KLHL29: variants seen among roughly 807,000 people sequenced by gnomAD.
KLHL29 encodes kelch-like protein 29.
A neutral mutation model predicts 80.4 loss-of-function variants in KLHL29; 21 were observed. The ratio of observed to expected loss-of-function variants is 0.26; its 90% CI spans 0.19 to 0.38. The LOEUF (loss-of-function observed/expected upper bound fraction) is 0.38. Ranked by LOEUF, KLHL29 falls within the 10% of genes least tolerant of loss-of-function variation. The probability of loss-of-function intolerance (pLI) is 1.00; values close to 1 mark genes in which losing one functional copy is unlikely to be tolerated. For synonymous variants in KLHL29, 511 were observed against 526.8 expected, an observed-to-expected ratio of 0.97 and a Z score of 0.41; for missense variants, 867 against 1,223.9, an observed-to-expected ratio of 0.71 and a Z score of 4.35.
At chr2:23,564,957 T>C (rs1216975693) in intron 3 of KLHL29, among the ~76,000 whole-genome samples, 2 of 152,170 alleles carry the variant, frequency 1.3e-5, no homozygotes, top group African/African-American at 2.4e-5. Flanking sequence ...CTTCTACCGC[T>C]TGCTATCTGA....
Position 23,562,133 on chromosome 2 carries a change from C to T in KLHL29, c.-45-19C>T. On this transcript the variant is annotated intron_variant, in intron 2 of 13. Coordinates refer to ENST00000486442, the MANE Select transcript of KLHL29 (RefSeq NM_052920.2). This position sits in a 1 kb window ranked among gnomAD's most constrained non-coding sequence, Gnocchi z 4.5. ...TGCTCCAGTCCTAAATCACCCTTCTCTCCACCCTGTCACCACAGGTCCGGG... is the reference window on the plus strand; with the variant it reads ...TGCTCCAGTCCTAAATCACCCTTCTTTCCACCCTGTCACCACAGGTCCGGG... 1.9e-6 allele frequency: 3 copies of T among 1,540,386 alleles called. No homozygotes were observed. Among genetic ancestry groups the T allele is most frequent in the Non-Finnish European group, 2.6e-6 (3 of 1,142,342 alleles).
intron 3 of KLHL29, among the ~76,000 whole-genome samples, chr2:23,597,309 A>ATATGTGTGTGTG (rs1558402682): frequency 9.9e-6 from 1 of 100,522 alleles, no homozygotes; most frequent in African/African-American, 4.1e-5. Context: ...ATATATATAT[A>ATATGTGTGTGTG]TGTGTGTGTG....
At chr2:23,622,715 G>T (rs183468789) in intron 3 of KLHL29, among the ~76,000 whole-genome samples, 1 of 152,210 alleles carries the variant, frequency 6.6e-6, no homozygotes, top group Non-Finnish European at 1.5e-5. Flanking sequence ...TAGGACGCCC[G>T]CTGAGCATTC....
At chr2:23,509,287 G>A (rs1665701392) in intron 2 of KLHL29, among the ~76,000 whole-genome samples, 1 of 152,198 alleles carries the variant, frequency 6.6e-6, no homozygotes, top group Non-Finnish European at 1.5e-5. Context: ...ATGACACCCA[G>A]CTGAGGCTGG....
intron 1 of KLHL29, among the ~76,000 whole-genome samples, chr2:23,402,590 G>A (rs998291337): frequency 1.3e-5 from 2 of 152,100 alleles, no homozygotes; most frequent in African/African-American, 4.8e-5. Flanking sequence ...GCTGTGAACT[G>A]AACAGCCTGG....
chr2:23,441,014 A>G (rs1663501614), intron 1 of KLHL29, among the ~76,000 whole-genome samples: 1 of 152,214 alleles, frequency 6.6e-6, no homozygotes, highest in Non-Finnish European at 1.5e-5. Flanking sequence ...ATGCTGCTAT[A>G]AAGACACATG....
At chr2:23,557,965 C>G (rs1667341550) in intron 2 of KLHL29, among the ~76,000 whole-genome samples, 2 of 152,178 alleles carry the variant, frequency 1.3e-5, no homozygotes, top group South Asian at 4.1e-4. Flanking sequence ...TAGGGAAACG[C>G]TCTTCCATCA....
In KLHL29 at chr2:23,684,321, G is replaced by GA. The variant is rs906327916; in HGVS notation, c.941-70dup. On this transcript the variant is annotated intron_variant, in intron 5 of 13. Coordinates refer to ENST00000486442, the MANE Select transcript of KLHL29 (RefSeq NM_052920.2). The surrounding 1 kb of genome is among the most constrained non-coding windows in gnomAD (Gnocchi z 4.4). ...CCTATTTCTCTACTTCTTGAAAAAA[G>GA]AAAAAAAACTTTTTTTAATTAAAAA... 4.2e-5 allele frequency: 48 copies of GA among 1,130,106 alleles called. No homozygotes were observed. Among genetic ancestry groups the GA allele is most frequent in the Non-Finnish European group, 4.6e-5 (40 of 861,826 alleles). 70.0% of individuals were successfully genotyped at this position (1,130,106 alleles called of 1,614,324 possible). A position where few individuals can be genotyped will look rare whatever the true frequency, so the allele number is the denominator to read the frequency against.
intron 3 of KLHL29, among the ~76,000 whole-genome samples, chr2:23,614,989 C>T (rs1473117099): frequency 1.3e-5 from 2 of 152,210 alleles, no homozygotes; most frequent in African/African-American, 2.4e-5. Flanking sequence ...CAAGACTCCT[C>T]CAAAGCCCGT....
chr2:23,524,849 T>C (rs1423742968), intron 2 of KLHL29, among the ~76,000 whole-genome samples: 1 of 152,184 alleles, frequency 6.6e-6, no homozygotes, highest in East Asian at 1.9e-4. Flanking sequence ...AGCAAAAGAA[T>C]TGGAAGGCAT....
In KLHL29 at chr2:23,562,604, G is replaced by C; in HGVS notation, c.285+123G>C. 1.0e-6 allele frequency: 1 copy of C among 974,594 alleles called. No individual in the cohort carries two copies. The highest frequency in any genetic ancestry group is 1.5e-6 in the Non-Finnish European group (1 of 680,500). The allele number at this position is 974,594 out of a possible 1,614,324, so 60.4% of individuals were successfully genotyped here. ...TGCTCCACGCCCCGAGTCCTCCAGA[G>C]TCTTGTCCTTCCAGGACCTGGGCCT... On this transcript the variant is annotated intron_variant, in intron 3 of 13. Transcript: ENST00000486442. This position sits in a 1 kb window ranked among gnomAD's most constrained non-coding sequence, Gnocchi z 4.5.
rs531219739 is a variant in KLHL29, at chr2:23,464,533, G to A, written c.-153-11027G>A. On this transcript the variant is annotated intron_variant, in intron 1 of 13. Coordinates refer to ENST00000486442, the MANE Select transcript of KLHL29 (RefSeq NM_052920.2). Reference sequence around the variant, plus strand: ...GTGTTGACTTCCTTCACTCCCTCCCGTCCCCACTCCCCTGCCTAAGCTTTC... The same window carrying A: ...GTGTTGACTTCCTTCACTCCCTCCCATCCCCACTCCCCTGCCTAAGCTTTC... Among the ~76,000 whole-genome samples the A allele has an allele frequency of 4.6e-5, 7 of 152,164 alleles. No homozygotes were observed. The East Asian group carries it at 5.8e-4, about 13-fold the overall frequency.
chr2:23,696,156 C>T lies in KLHL29; in HGVS notation c.1924+23C>T, dbSNP rs376671606. 3.1e-5 allele frequency: 48 copies of T among 1,545,144 alleles called. No homozygotes were observed. The highest frequency in any genetic ancestry group is 3.7e-5 in the Non-Finnish European group (42 of 1,143,168). On this transcript the variant is annotated intron_variant, in intron 10 of 13. Coordinates refer to ENST00000486442, the MANE Select transcript of KLHL29 (RefSeq NM_052920.2). The surrounding 1 kb of genome is among the most constrained non-coding windows in gnomAD (Gnocchi z 5.5). The stretch of plus-strand genomic sequence containing the variant: ...CAGGTGAGGCCCCCCGGGGTTGGGG[C>T]GGGACCAGGCATGGGGGTCCCAAGG...
At chr2:23,706,311 G>T (rs4233702) in intron 13 of KLHL29, among the ~76,000 whole-genome samples, 170 bp from the exon 14 acceptor site, 74,409 of 151,896 alleles carry the variant, frequency 0.49, 18,928 homozygotes, top group East Asian at 0.79. Context: ...TGGAGGACAG[G>T]TGTTTTTCTT....
At chr2:23,576,533 C>T (rs190357347) in intron 3 of KLHL29, among the ~76,000 whole-genome samples, 6 of 152,240 alleles carry the variant, frequency 3.9e-5, no homozygotes, top group East Asian at 1.9e-4. Flanking sequence ...TGTACCACAT[C>T]GGGTTCCTTG....
chr2:23,400,829 G>T (rs1381165653), intron 1 of KLHL29, among the ~76,000 whole-genome samples: 1 of 152,190 alleles, frequency 6.6e-6, no homozygotes, highest in African/African-American at 2.4e-5. Flanking sequence ...GCAAGATCTT[G>T]TCTCTAAGTG....
At chr2:23,436,124 C>G (rs1484367179) in intron 1 of KLHL29, among the ~76,000 whole-genome samples, 1 of 151,926 alleles carries the variant, frequency 6.6e-6, no homozygotes, top group African/African-American at 2.4e-5. Context: ...TGTTGCTTCC[C>G]CTTCTATAGC....
chr2:23,474,677 G>C (rs961083091), intron 1 of KLHL29, among the ~76,000 whole-genome samples: 1 of 152,078 alleles, frequency 6.6e-6, no homozygotes, highest in South Asian at 2.1e-4. Context: ...GACTCGTTGC[G>C]TTGTCAGAGG....
intron 3 of KLHL29, among the ~76,000 whole-genome samples, chr2:23,598,087 C>T (rs1668474705): frequency 6.6e-6 from 1 of 152,222 alleles, no homozygotes; most frequent in African/African-American, 2.4e-5. Context: ...AAACGGTGTC[C>T]TGGGTACAAA....
Sources: gnomAD v4.1 joint callset for allele counts (sites outside exome capture counted in the v4.1 genomes callset) on GRCh38, gnomAD v4.1.1 for gene constraint, Gnocchi (gnomAD v3.1) non-coding constraint, MANE v1.5 for transcripts, NCBI Gene and HGNC (gene_info 2026-07-23, HGNC 2026-07-21) for gene names.